Variants in MACROD2 observed in about 807,000 individuals in gnomAD.
The protein encoded by MACROD2 is ADP-ribose glycohydrolase MACROD2.
In MACROD2, 36 loss-of-function variants were observed where a neutral mutation model predicts 70.4. The ratio of observed to expected loss-of-function variants is 0.51; its 90% CI spans 0.39 to 0.68. The LOEUF (loss-of-function observed/expected upper bound fraction) is 0.68, where lower values mean the gene tolerates loss of function less well. MACROD2 is among the 30% of genes least tolerant of loss of function. MACROD2 has a pLI of 0.00. For missense variants in MACROD2, 496 were observed against 538.4 expected, an observed-to-expected ratio of 0.92 and a Z score of 0.78; for synonymous variants, 172 against 178.8, an observed-to-expected ratio of 0.96 and a Z score of 0.30.
At chr20:15,246,157 A>T (rs1046014171) in intron 6 of MACROD2, among the ~76,000 whole-genome samples, 1 of 152,224 alleles carries the variant, frequency 6.6e-6, no homozygotes, top group Non-Finnish European at 1.5e-5. Context: ...CTACAATTTA[A>T]GTTTAACCTC....
intron 5 of MACROD2, among the ~76,000 whole-genome samples, chr20:14,738,458 C>T (rs1411892230): frequency 1.3e-5 from 2 of 152,046 alleles, no homozygotes; most frequent in Admixed American, 6.6e-5. Context: ...AATGAAAATT[C>T]ATCTCACCCA....
chr20:14,171,448 G>A (rs1029825569), intron 3 of MACROD2, among the ~76,000 whole-genome samples: 24 of 151,984 alleles, frequency 1.6e-4, no homozygotes, highest in African/African-American at 5.8e-4. Flanking sequence ...GACTATTTGT[G>A]CTTTCTCAGA....
intron 8 of MACROD2, among the ~76,000 whole-genome samples, chr20:15,833,673 A>G (rs1224204699): frequency 2.0e-5 from 3 of 152,366 alleles, no homozygotes; most frequent in East Asian, 3.9e-4. Context: ...GTTGCTCTTT[A>G]TAGAAAATAA....
chr20:14,609,364 T>C (rs1481205760), intron 4 of MACROD2, among the ~76,000 whole-genome samples: 6 of 152,118 alleles, frequency 3.9e-5, no homozygotes, highest in Non-Finnish European at 8.8e-5. Context: ...TTTTGGGATC[T>C]GAACAAATGG....
At position 15,953,170 on chromosome 20, in the gene MACROD2, T is replaced by G. The variant is rs1026877934; in HGVS notation, c.908-14383T>G. ...CAGAAGCCAAGAAAGGTTGGTCTCA[T>G]AGAAGTAAAAAGTAGTTCAGGATAC... On this transcript the variant is annotated intron_variant, in intron 12 of 17. Coordinates refer to ENST00000684519, the MANE Select transcript of MACROD2 (RefSeq NM_001351661.2). Among the ~76,000 whole-genome samples the G allele has an allele frequency of 2.0e-5, 3 of 151,994 alleles. No homozygotes were observed. In the East Asian group the frequency reaches 5.8e-4, roughly 29 times the overall value.
intron 8 of MACROD2, among the ~76,000 whole-genome samples, chr20:15,725,732 T>TC (rs1479106659): frequency 1.3e-5 from 2 of 152,092 alleles, no homozygotes. Context: ...TACTTTTTTT[T>TC]CAACATTTAT....
intron 4 of MACROD2, among the ~76,000 whole-genome samples, chr20:14,575,750 T>C (rs1276361155): frequency 6.6e-6 from 1 of 152,198 alleles, no homozygotes; most frequent in East Asian, 1.9e-4. Flanking sequence ...GCCCTGTTAC[T>C]TAGAGCTTTA....
At chr20:14,290,467 A>G (rs1031954170) in intron 3 of MACROD2, among the ~76,000 whole-genome samples, 4 of 151,920 alleles carry the variant, frequency 2.6e-5, no homozygotes, top group Non-Finnish European at 5.9e-5. Context: ...ACCTCAGATC[A>G]AAAGGGATGG....
At chr20:15,407,852 G>A (rs537281952) in intron 6 of MACROD2, among the ~76,000 whole-genome samples, 1 of 152,342 alleles carries the variant, frequency 6.6e-6, no homozygotes, top group South Asian at 2.1e-4. Context: ...GAAGTTTACA[G>A]ATTAGCTAGT....
At chr20:14,961,453 TAATA>T (rs1453513501) in intron 5 of MACROD2, among the ~76,000 whole-genome samples, 1 of 152,234 alleles carries the variant, frequency 6.6e-6, no homozygotes, top group Non-Finnish European at 1.5e-5. Flanking sequence ...GTTCCTCAAA[TAATA>T]AATAAATTAT....
At chr20:14,989,032 A>G (rs2122862826) in intron 5 of MACROD2, among the ~76,000 whole-genome samples, 1 of 152,336 alleles carries the variant, frequency 6.6e-6, no homozygotes, top group African/African-American at 2.4e-5. Flanking sequence ...TAAGTAATTA[A>G]TTAAAAAGTA....
chr20:14,662,297 G>A (rs1287310344), intron 4 of MACROD2, among the ~76,000 whole-genome samples: 1 of 152,076 alleles, frequency 6.6e-6, no homozygotes, highest in African/African-American at 2.4e-5. Context: ...GCAGAAGATT[G>A]AAATTGGACC....
At chr20:14,108,973 C>G (rs1272701967) in intron 3 of MACROD2, among the ~76,000 whole-genome samples, 1 of 152,006 alleles carries the variant, frequency 6.6e-6, no homozygotes, top group Non-Finnish European at 1.5e-5. Flanking sequence ...CAGTCTTTTC[C>G]TCAGCACGTG....
At chr20:14,150,988 T>G (rs1298193858) in intron 3 of MACROD2, among the ~76,000 whole-genome samples, 1 of 152,192 alleles carries the variant, frequency 6.6e-6, no homozygotes, top group Non-Finnish European at 1.5e-5. Context: ...CTTAAAAGCA[T>G]AAGGCCAGTA....
At chr20:14,304,868 A>G (rs918714442) in intron 3 of MACROD2, among the ~76,000 whole-genome samples, 2 of 151,804 alleles carry the variant, frequency 1.3e-5, no homozygotes, top group Non-Finnish European at 2.9e-5. Flanking sequence ...TAGCTGCCCC[A>G]TATTTTCCTC....
At chr20:14,644,631 T>A (rs1424579295) in intron 4 of MACROD2, among the ~76,000 whole-genome samples, 1 of 152,164 alleles carries the variant, frequency 6.6e-6, no homozygotes, top group East Asian at 1.9e-4. Flanking sequence ...TTATCGAATA[T>A]GGAATTAATG....
intron 5 of MACROD2, among the ~76,000 whole-genome samples, chr20:14,714,938 T>C (rs1024889683): frequency 2.0e-5 from 3 of 152,214 alleles, no homozygotes; most frequent in African/African-American, 7.2e-5. Flanking sequence ...TAGCTCTTAG[T>C]GGACTCTCAA....
chr20:14,951,915 A>ATTT (rs11468856), intron 5 of MACROD2, among the ~76,000 whole-genome samples: 3 of 133,666 alleles, frequency 2.2e-5, no homozygotes, highest in Admixed American at 7.6e-5. Context: ...CAGCTTCTCC[A>ATTT]TTTTTTTTTT....
At chr20:15,781,853 G>C (rs1169149049) in intron 8 of MACROD2, among the ~76,000 whole-genome samples, 1 of 152,120 alleles carries the variant, frequency 6.6e-6, no homozygotes, top group Admixed American at 6.5e-5. Context: ...GGCAGGGAAG[G>C]CTTTCTCAGG....
Sources: gnomAD v4.1 joint callset for allele counts (sites outside exome capture counted in the v4.1 genomes callset) on GRCh38, gnomAD v4.1.1 for gene constraint, MANE v1.5 for transcripts, NCBI Gene and HGNC (gene_info 2026-07-23, HGNC 2026-07-21) for gene names.